The following MARCHF1 variants were observed in gnomAD, a reference collection of about 807,000 sequenced individuals.
MARCHF1 encodes E3 ubiquitin-protein ligase MARCHF1.
Under a neutral mutation model 54.2 loss-of-function variants are expected in MARCHF1, and 40 were observed. The ratio of observed to expected loss-of-function variants is 0.74; its 90% CI spans 0.57 to 0.96. MARCHF1 has a LOEUF of 0.96. MARCHF1 is among the 40% of genes least tolerant of loss of function. MARCHF1 has a pLI of 0.00. For synonymous variants in MARCHF1, 236 were observed against 236.3 expected (o/e 1.00, Z 0.01); for missense variants, 586 against 656.5 (o/e 0.89, Z 1.17).
chr4:163,789,099 C>A (rs1044722343), intron 4 of MARCHF1, among the ~76,000 whole-genome samples: 1 of 151,814 alleles, frequency 6.6e-6, no homozygotes, highest in Non-Finnish European at 1.5e-5. Context: ...AGATTTTTCT[C>A]TTTTTCATTT....
chr4:163,528,712 GAT>G lies in MARCHF1; in HGVS notation c.*34_*35del. On this transcript the variant is annotated 3_prime_UTR_variant, in exon 10 of 10. Transcript: ENST00000514618. ...ATTTGTAGTGGCTGAGGGCTAGAAA[GAT>G]ATTCTTCGGTGAAGAAACTCCCAAC... is the stretch of plus-strand genomic sequence containing the variant. 1 of 1,568,666 alleles carries G rather than the reference GAT, an allele frequency of 6.4e-7. No homozygotes were observed.
At chr4:163,952,629 T>A (rs922874957) in intron 3 of MARCHF1, among the ~76,000 whole-genome samples, 3 of 152,200 alleles carry the variant, frequency 2.0e-5, no homozygotes, top group African/African-American at 7.2e-5. Flanking sequence ...GCCCAAATAC[T>A]GTGACCACAT....
chr4:163,764,984 A>G (rs1746933030), intron 4 of MARCHF1, among the ~76,000 whole-genome samples: 1 of 152,114 alleles, frequency 6.6e-6, no homozygotes, highest in South Asian at 2.1e-4. Flanking sequence ...TATTTAGTAC[A>G]TTTTAATGTT....
intron 4 of MARCHF1, among the ~76,000 whole-genome samples, chr4:163,833,463 A>G (rs902998164): frequency 6.6e-6 from 1 of 152,094 alleles, no homozygotes; most frequent in Non-Finnish European, 1.5e-5. Context: ...TTTGCAACCT[A>G]CTCATCTGAC....
chr4:164,237,490 C>A (rs1732596771), intron 1 of MARCHF1, among the ~76,000 whole-genome samples: 1 of 152,050 alleles, frequency 6.6e-6, no homozygotes, highest in African/African-American at 2.4e-5. Context: ...CATTCAAACA[C>A]CTGGACCACA....
intron 1 of MARCHF1, among the ~76,000 whole-genome samples, chr4:164,298,565 G>T (rs1445459030): frequency 2.0e-5 from 3 of 151,786 alleles, no homozygotes; most frequent in African/African-American, 4.8e-5. Context: ...ACCTTTACAC[G>T]GATTTAGTTA....
In MARCHF1 at chr4:163,971,132, G is replaced by A. The variant is rs1057243799; in HGVS notation, c.-39+17369C>T. Among the ~76,000 whole-genome samples the A allele has an allele frequency of 8.2e-5, 11 of 133,382 alleles. 1 individual carries two copies. The South Asian group carries it at 1.9e-3, about 23-fold the overall frequency. The allele number at this position is 133,382 out of a possible 152,430, so 87.5% of individuals were successfully genotyped here. ...AAGAGAAACAAAACACTTCTCTCTC[G>A]TACCCTATTATTTGCAAGTAGGAGT... is the stretch of plus-strand genomic sequence containing the variant. On this transcript the variant is annotated intron_variant, in intron 3 of 9. Transcript: ENST00000514618.
intron 4 of MARCHF1, among the ~76,000 whole-genome samples, chr4:163,772,716 T>G (rs562472674): frequency 6.8e-6 from 1 of 147,654 alleles, no homozygotes; most frequent in South Asian, 2.2e-4. Flanking sequence ...AGAAAAGCCC[T>G]GCTTTAAAGG....
chr4:163,689,797 G>A (rs577893135), intron 5 of MARCHF1, among the ~76,000 whole-genome samples: 16 of 152,084 alleles, frequency 1.1e-4, no homozygotes, highest in East Asian at 5.8e-4. Context: ...TAAAATACAC[G>A]ATATCCTAAA....
chr4:163,620,636 GAGAGAGAGAGAC>G (rs1334635240), intron 5 of MARCHF1, among the ~76,000 whole-genome samples: 4 of 114,748 alleles, frequency 3.5e-5, no homozygotes, highest in Non-Finnish European at 5.4e-5. Context: ...GAGAGAGAGA[GAGAGAGAGAGAC>G]ACGCACACAC....
At chr4:163,944,943 C>G (rs1238191072) in intron 3 of MARCHF1, among the ~76,000 whole-genome samples, 1 of 152,044 alleles carries the variant, frequency 6.6e-6, no homozygotes, top group East Asian at 1.9e-4. Context: ...TTCCTAGGAC[C>G]TAAGAACTTC....
chr4:163,838,408 T>A (rs145740021), intron 4 of MARCHF1, among the ~76,000 whole-genome samples: 1 of 152,068 alleles, frequency 6.6e-6, no homozygotes, highest in Non-Finnish European at 1.5e-5. Context: ...ATAGACACAA[T>A]TTTTTTCTAT....
chr4:164,350,844 T>C (rs376708602), intron 1 of MARCHF1, among the ~76,000 whole-genome samples: 5 of 151,870 alleles, frequency 3.3e-5, no homozygotes, highest in African/African-American at 4.8e-5. Flanking sequence ...CATTTCCATC[T>C]GAGGTACCGC....
At chr4:164,274,734 C>A (rs1225255599) in intron 1 of MARCHF1, among the ~76,000 whole-genome samples, 7 of 125,758 alleles carry the variant, frequency 5.6e-5, no homozygotes, top group Non-Finnish European at 1.1e-4. Flanking sequence ...TGGAGTGCAG[C>A]GGTGCGATCT....
At chr4:164,018,214 CAT>C (rs1297405367) in intron 2 of MARCHF1, among the ~76,000 whole-genome samples, 1 of 151,678 alleles carries the variant, frequency 6.6e-6, no homozygotes, top group Non-Finnish European at 1.5e-5. Flanking sequence ...TAAAAGAAAA[CAT>C]AGGATAAATT....
chr4:164,334,001 A>G (rs1729654807), intron 1 of MARCHF1, among the ~76,000 whole-genome samples: 1 of 152,212 alleles, frequency 6.6e-6, no homozygotes, highest in African/African-American at 2.4e-5. Flanking sequence ...GATTCTCTCC[A>G]ATTCATGAAG....
intron 1 of MARCHF1, among the ~76,000 whole-genome samples, chr4:164,276,246 T>C (rs1733877373): frequency 6.6e-6 from 1 of 152,196 alleles, no homozygotes; most frequent in Non-Finnish European, 1.5e-5. Context: ...TGGCATTTAA[T>C]GATAAGACCA....
chr4:164,240,787 A>C (rs544987341), intron 1 of MARCHF1, among the ~76,000 whole-genome samples: 54 of 152,242 alleles, frequency 3.5e-4, no homozygotes, highest in Admixed American at 2.6e-3. Flanking sequence ...GATAGTAGCT[A>C]TCATGACATT....
At chr4:164,247,922 G>A (rs1733003854) in intron 1 of MARCHF1, among the ~76,000 whole-genome samples, 1 of 151,216 alleles carries the variant, frequency 6.6e-6, no homozygotes, top group Admixed American at 6.6e-5. Context: ...AAGTTGCATT[G>A]CTTAAGAGCT....
Sources: allele counts gnomAD v4.1 joint callset (sites outside exome capture counted in the v4.1 genomes callset), GRCh38; gene constraint gnomAD v4.1.1; transcripts MANE v1.5; gene names NCBI Gene and HGNC (gene_info 2026-07-23, HGNC 2026-07-21).